PALS1: variants seen among roughly 807,000 people sequenced by gnomAD.
PALS1 encodes the protein protein associated with LIN7 1, MAGUK p55 family member.
Under a neutral mutation model 78.9 loss-of-function variants are expected in PALS1, and 31 were observed. That is an observed-to-expected ratio of 0.39 (90% CI 0.30 to 0.53). The LOEUF (loss-of-function observed/expected upper bound fraction) is 0.53. Ranked by LOEUF, PALS1 falls within the 20% of genes least tolerant of loss-of-function variation. The probability of loss-of-function intolerance (pLI) is 0.67; values close to 1 mark genes in which losing one functional copy is unlikely to be tolerated. For synonymous variants in PALS1, 276 were observed against 270.9 expected (o/e 1.02, Z -0.18); for missense variants, 704 against 826.5 (o/e 0.85, Z 1.82).
intron 1 of PALS1, among the ~76,000 whole-genome samples, chr14:67,262,148 G>A (rs1185802716): frequency 6.6e-6 from 1 of 152,080 alleles, no homozygotes; most frequent in African/African-American, 2.4e-5. Flanking sequence ...CAGGGCAATT[G>A]TAGAGATCAA....
intron 7 of PALS1, 87 bp from the exon 8 acceptor site, chr14:67,303,435 G>A: frequency 9.5e-7 from 1 of 1,050,982 alleles, no homozygotes. Context: ...TTCTGAAATA[G>A]TCCAGTTTAG....
chr14:67,320,243 G>C lies in PALS1; in HGVS notation c.1383G>C (p.Glu461Asp). 1 of 1,606,734 alleles carries C rather than the reference G, an allele frequency of 6.2e-7. No homozygotes were observed. The highest frequency in any genetic ancestry group is 8.5e-7 in the Non-Finnish European group (1 of 1,177,798). Reference sequence around the variant, plus strand: ...TTTTTCCCAAAGATTATGACAACGAGGAGATCTTAACCTATGAGGAAATGT... The same window carrying C: ...TTTTTCCCAAAGATTATGACAACGACGAGATCTTAACCTATGAGGAAATGT... ...NANKNDDYDN[E>D]EILTYEEMSL... Residue 461 changes from glutamate (E) to aspartate (D), a missense_variant, in exon 12 of 15, where the codon GAG becomes GAC. Coordinates refer to ENST00000261681, the MANE Select transcript of PALS1 (RefSeq NM_022474.4).
intron 4 of PALS1, among the ~76,000 whole-genome samples, chr14:67,293,948 C>T (rs1389064780): frequency 6.6e-6 from 1 of 151,792 alleles, no homozygotes; most frequent in Non-Finnish European, 1.5e-5. Flanking sequence ...CTGACACACA[C>T]AATAGAAAGG....
At chr14:67,246,052 T>C (rs2083983260) in intron 1 of PALS1, among the ~76,000 whole-genome samples, 1 of 152,090 alleles carries the variant, frequency 6.6e-6, no homozygotes, top group Non-Finnish European at 1.5e-5. Context: ...CAAAAGCTAT[T>C]TGACTGCATT....
chr14:67,312,768 C>A, intron 9 of PALS1, 58 bp downstream of exon 9: 1 of 1,290,334 alleles, frequency 7.7e-7, no homozygotes, highest in Non-Finnish European at 1.0e-6. Flanking sequence ...AAATGCAAGC[C>A]TTCACAAAGA....
At chr14:67,249,639 T>C (rs2084037622) in intron 1 of PALS1, among the ~76,000 whole-genome samples, 1 of 152,226 alleles carries the variant, frequency 6.6e-6, no homozygotes, top group Non-Finnish European at 1.5e-5. Flanking sequence ...TATAGTTATC[T>C]TTTGAGTTAT....
At position 67,302,538 on chromosome 14, in the gene PALS1, G is replaced by A. The variant is rs751816447; in HGVS notation, c.930G>A (p.Arg310=). The change falls in exon 7 of 15, where the codon CGG becomes CGA. Residue 310 remains arginine, a synonymous_variant. Coordinates refer to ENST00000261681, the MANE Select transcript of PALS1 (RefSeq NM_022474.4). ...EVLEINGIEI[R]GKDVNEVFDL... ...TAGAGATTAATGGCATTGAAATTCG[G>A]GGGAAAGATGTCAATGAGGTTTTTG... 1 of 1,576,570 alleles carries A rather than the reference G, an allele frequency of 6.3e-7. No homozygotes were observed. Among genetic ancestry groups the A allele is most frequent in the South Asian group, 1.2e-5 (1 of 84,334 alleles).
In PALS1 at chr14:67,281,827, T is replaced by A. The variant is rs76369843; in HGVS notation, c.367+2290T>A. Among the ~76,000 whole-genome samples the A allele has an allele frequency of 2.4e-4, 36 of 152,248 alleles. No homozygotes were observed. In the East Asian group the frequency reaches 6.9e-3, roughly 29 times the overall value. ...TTCTCTTAATTTTTTTTTTTTGCTT[T>A]TTCCTGTTTCTGTTTGAATGTTCTA... On this transcript the variant is annotated intron_variant, in intron 3 of 14. Transcript: ENST00000261681.
chr14:67,325,851 C>T (rs1318992706), intron 14 of PALS1, among the ~76,000 whole-genome samples: 6 of 151,762 alleles, frequency 4.0e-5, no homozygotes, highest in African/African-American at 1.5e-4. Context: ...CTCTGTCGCC[C>T]AGGCTGGAAT....
intron 2 of PALS1, among the ~76,000 whole-genome samples, chr14:67,278,801 G>A (rs1408068677): frequency 2.0e-5 from 3 of 152,060 alleles, no homozygotes; most frequent in Admixed American, 2.0e-4. Context: ...AAATTGAATA[G>A]TATGTTTCAC....
intron 11 of PALS1, among the ~76,000 whole-genome samples, chr14:67,318,299 T>C (rs112457716): frequency 6.6e-6 from 1 of 151,910 alleles, no homozygotes; most frequent in African/African-American, 2.4e-5. Context: ...AAAAGCTAAA[T>C]GAGGTTTGAT....
intron 5 of PALS1, 84 bp downstream of exon 5, chr14:67,301,550 G>T: frequency 1.2e-6 from 1 of 826,484 alleles, no homozygotes; most frequent in South Asian, 2.3e-5. Flanking sequence ...TACTGGAAGA[G>T]ATGTCAAACA....
intron 6 of PALS1, 22 bp downstream of exon 6, chr14:67,302,140 T>C (rs752098892): frequency 6.4e-7 from 1 of 1,571,950 alleles, no homozygotes; most frequent in Non-Finnish European, 8.6e-7. Flanking sequence ...ACATACTGTT[T>C]TTAAACAAGT....
At chr14:67,272,367 T>C (rs1595574322) in intron 2 of PALS1, among the ~76,000 whole-genome samples, 1 of 152,200 alleles carries the variant, frequency 6.6e-6, no homozygotes, top group African/African-American at 2.4e-5. Flanking sequence ...ATCTTGTCTT[T>C]AAGGCCTACT....
intron 14 of PALS1, among the ~76,000 whole-genome samples, chr14:67,326,343 G>A (rs1013026883): frequency 1.5e-5 from 2 of 137,382 alleles, no homozygotes; most frequent in Non-Finnish European, 3.0e-5. Flanking sequence ...TGACCCTCCC[G>A]TCTCAGTATA....
chr14:67,328,190 G>A (rs2085389870), intron 14 of PALS1, among the ~76,000 whole-genome samples: 1 of 152,166 alleles, frequency 6.6e-6, no homozygotes, highest in Non-Finnish European at 1.5e-5. Context: ...GGTGTGAGAT[G>A]GTATCTCATT....
At chr14:67,282,543 A>G (rs2084621198) in intron 3 of PALS1, among the ~76,000 whole-genome samples, 1 of 152,168 alleles carries the variant, frequency 6.6e-6, no homozygotes, top group Non-Finnish European at 1.5e-5. Context: ...AATGTATGAT[A>G]ATAAAAGTAC....
Position 67,295,172 on chromosome 14 carries a change from A to T in PALS1, c.576+2453A>T, listed in dbSNP as rs983837614. ...AACTTGTCTATGAAATATATAAAGA[A>T]CTCTTGTTGGCTGGGTGCGGTCTGT... On this transcript the variant is annotated intron_variant, in intron 4 of 14. Transcript: ENST00000261681. 2.7e-5 allele frequency among the ~76,000 whole-genome samples: 4 copies of T among 150,142 alleles called. No homozygotes were observed. In the Admixed American group the frequency reaches 2.7e-4, roughly 10 times the overall value.
At chr14:67,260,262 G>C (rs1234165634) in intron 1 of PALS1, among the ~76,000 whole-genome samples, 2 of 152,166 alleles carry the variant, frequency 1.3e-5, no homozygotes, top group East Asian at 3.8e-4. Flanking sequence ...GCCTGATCTT[G>C]TCTGATCTTG....
Sources: allele counts gnomAD v4.1 joint callset (sites outside exome capture counted in the v4.1 genomes callset), GRCh38; gene constraint gnomAD v4.1.1; transcripts MANE v1.5; gene names NCBI Gene and HGNC (gene_info 2026-07-23, HGNC 2026-07-21).